SIRT1: variants seen among roughly 807,000 people sequenced by gnomAD.
The protein encoded by SIRT1 is NAD-dependent protein deacetylase sirtuin-1.
In SIRT1, 24 loss-of-function variants were observed where a neutral mutation model predicts 67.9. The ratio of observed to expected loss-of-function variants is 0.35; its 90% CI spans 0.26 to 0.50. SIRT1 has a LOEUF of 0.50. SIRT1 is among the 20% of genes least tolerant of loss of function. SIRT1 has a pLI of 0.98. For missense variants in SIRT1, 873 were observed against 937.2 expected (o/e 0.93, Z 0.89); for synonymous variants, 378 against 350.7 (o/e 1.08, Z -0.87).
chr10:67,891,153 T>G (rs550319197), intron 3 of SIRT1, among the ~76,000 whole-genome samples: 1 of 152,352 alleles, frequency 6.6e-6, no homozygotes, highest in Non-Finnish European at 1.5e-5. Flanking sequence ...CTTAAAAGGC[T>G]TAAAATTGGC....
intron 4 of SIRT1, among the ~76,000 whole-genome samples, chr10:67,897,267 G>T (rs866831249): frequency 3.2e-4 from 48 of 150,546 alleles, no homozygotes; most frequent in Admixed American, 2.4e-3. Flanking sequence ...TAAAGCTGTG[G>T]GGCCATTTCT....
intron 4 of SIRT1, among the ~76,000 whole-genome samples, chr10:67,896,729 T>C (rs1842663711): frequency 8.3e-6 from 1 of 120,554 alleles, no homozygotes; most frequent in African/African-American, 3.4e-5. Context: ...GCTGCTGTAC[T>C]CCAGCCTGGG....
intron 4 of SIRT1, among the ~76,000 whole-genome samples, chr10:67,898,813 G>A (rs771789043): frequency 1.3e-5 from 2 of 152,156 alleles, no homozygotes; most frequent in African/African-American, 2.4e-5. Context: ...ACCAGCCTGA[G>A]TGACAGAGCA....
chr10:67,888,904 A>C lies in SIRT1; in HGVS notation c.570A>C (p.Gln190His). Residue 190 changes from glutamine to histidine, a missense_variant, in exon 3 of 9, where the codon CAA becomes CAC. Physicochemically the swap from Gln to His is conservative, Grantham distance 24. Transcript: ENST00000212015. ...PRIGPYTFVQ[Q>H]HLMIGTDPRT... ...TAGGTCCATATACTTTTGTTCAGCA[A>C]CATCTTATGATTGGCACAGATCCTC... 6.2e-7 allele frequency: 1 copy of C among 1,612,542 alleles called. No homozygotes were observed. The highest frequency in any genetic ancestry group is 8.5e-7 in the Non-Finnish European group (1 of 1,179,048).
chr10:67,886,973 G>A (rs1842493343), intron 1 of SIRT1, among the ~76,000 whole-genome samples: 1 of 151,852 alleles, frequency 6.6e-6, no homozygotes, highest in African/African-American at 2.4e-5. Flanking sequence ...CCGGGTTCAA[G>A]CCATTCTCGT....
rs1442219001 is a variant in SIRT1 at position 67,889,001 on chromosome 10, A to C, written c.667A>C (p.Ile223Leu). 1 of 1,613,974 alleles carries C rather than the reference A, an allele frequency of 6.2e-7. No homozygotes were observed. The highest frequency in any genetic ancestry group is 2.2e-5 in the East Asian group (1 of 44,846). Reference sequence around the variant, plus strand: ...GTTGGATGATATGACACTGTGGCAGATTGTTATTAATATCCTTTCAGAACC... The same window carrying C: ...GTTGGATGATATGACACTGTGGCAGCTTGTTATTAATATCCTTTCAGAACC... ...PELDDMTLWQ[I>L]VINILSEPPK... Residue 223 changes from isoleucine (I) to leucine (L), a missense_variant, in exon 3 of 9, where the codon ATT (isoleucine) becomes CTT (leucine). Coordinates refer to ENST00000212015, the MANE Select transcript of SIRT1 (RefSeq NM_012238.5).
intron 4 of SIRT1, among the ~76,000 whole-genome samples, chr10:67,897,377 C>T (rs1356165790): frequency 6.7e-6 from 1 of 148,358 alleles, no homozygotes; most frequent in East Asian, 2.1e-4. Context: ...CAACCTCCGC[C>T]TCCCAGGTTC....
chr10:67,889,377 C>T lies in SIRT1; in HGVS notation c.789+254C>T, dbSNP rs142154060. 8.7e-4 allele frequency among the ~76,000 whole-genome samples: 132 copies of T among 152,268 alleles called. 1 individual carries two copies. Among genetic ancestry groups the T allele is most frequent in the African/African-American group, 3.1e-3 (127 of 41,564 alleles). On this transcript the variant is annotated intron_variant, in intron 3 of 8. Transcript: ENST00000212015. ...GGAGTTAAGGCAAGATTTCTACCTA[C>T]ATTATATCATAGCTCCTAAAGGAGA...
rs755862606 is a variant in SIRT1, at chr10:67,885,040, C to T, written c.319C>T (p.Leu107=). ...TGGGGAAGGAGACAATGGGCCGGGCCTGCAGGGCCCATCTCGGGAGCCACC... is the reference window on the plus strand; with the variant it reads ...TGGGGAAGGAGACAATGGGCCGGGCTTGCAGGGCCCATCTCGGGAGCCACC... The part of the protein sequence containing the change: ...AAGEGDNGPG[L]QGPSREPPLA... Residue 107 remains leucine, a synonymous_variant, in exon 1 of 9, where the codon CTG becomes TTG. Coordinates refer to ENST00000212015, the MANE Select transcript of SIRT1 (RefSeq NM_012238.5). 56 of 1,416,136 alleles carry T rather than the reference C, an allele frequency of 4.0e-5. No homozygotes were observed. Among genetic ancestry groups the T allele is most frequent in the Admixed American group, 2.6e-4 (9 of 34,256 alleles). 87.7% of individuals were successfully genotyped at this position (1,416,136 alleles called of 1,614,324 possible).
intron 4 of SIRT1, among the ~76,000 whole-genome samples, chr10:67,902,415 C>T (rs1842758583): frequency 6.6e-6 from 1 of 152,206 alleles, no homozygotes; most frequent in Admixed American, 6.5e-5. Flanking sequence ...ATTGAAAGAA[C>T]TGTTTCATGA....
At chr10:67,906,231 T>A in intron 4 of SIRT1, 1 of 1,527,766 alleles carries the variant, frequency 6.5e-7, no homozygotes, top group South Asian at 1.3e-5. Flanking sequence ...TCAGCATTCA[T>A]GAGCAACTCT....
rs1489096755 is a variant in SIRT1, at chr10:67,917,731, G to A, written c.*1138G>A. ...GTATTATGGAGATGAACATGATGAT[G>A]TAACTTGTAATAGCAGAATAGTTAA... On this transcript the variant is annotated 3_prime_UTR_variant, in exon 9 of 9. Coordinates refer to ENST00000212015, the MANE Select transcript of SIRT1 (RefSeq NM_012238.5). The A allele has an allele frequency of 6.6e-6, 1 of 152,596 alleles. No homozygotes were observed. The highest frequency in any genetic ancestry group is 6.5e-5 in the Admixed American group (1 of 15,276). The allele number at this position is 152,596 out of a possible 1,614,324, so 9.5% of individuals were successfully genotyped here. A position where few individuals can be genotyped will look rare whatever the true frequency, so the allele number is the denominator to read the frequency against.
chr10:67,890,163 C>T (rs1371887030), intron 3 of SIRT1, among the ~76,000 whole-genome samples: 1 of 151,930 alleles, frequency 6.6e-6, no homozygotes, highest in African/African-American at 2.4e-5. Context: ...TCAAGCAATT[C>T]TCTTGCCTCA....
intron 7 of SIRT1, among the ~76,000 whole-genome samples, chr10:67,912,224 A>T (rs146695374): frequency 1.3e-5 from 2 of 152,184 alleles, no homozygotes; most frequent in South Asian, 4.1e-4. Flanking sequence ...AGAGTGGGAA[A>T]GTCTGGGAAG....
Position 67,912,877 on chromosome 10 carries a change from T to C in SIRT1, c.1761T>C (p.Asn587=), listed in dbSNP as rs766337606. 6.2e-7 allele frequency: 1 copy of C among 1,614,040 alleles called. No homozygotes were observed. The highest frequency in any genetic ancestry group is 1.3e-5 in the African/African-American group (1 of 74,914). ...CACAGGAAGTACAAACTTCTAGGAATGTTGAAAGTATTGCTGAACAGATGG... is the reference window on the plus strand; with the variant it reads ...CACAGGAAGTACAAACTTCTAGGAACGTTGAAAGTATTGCTGAACAGATGG... ...EKPQEVQTSR[N]VESIAEQMEN... The change falls in exon 8 of 9, where the codon AAT becomes AAC. Residue 587 remains asparagine (N), a synonymous_variant. Transcript: ENST00000212015.
Position 67,884,863 on chromosome 10 carries a change from C to G in SIRT1, c.142C>G (p.Pro48Ala). The G allele has an allele frequency of 2.5e-6, 3 of 1,216,792 alleles. No individual in the cohort carries two copies. Among genetic ancestry groups the G allele is most frequent in the Non-Finnish European group, 2.0e-6 (2 of 978,430 alleles). The allele number at this position is 1,216,792 out of a possible 1,614,324, so 75.4% of individuals were successfully genotyped here. ...AGATGGTCCCGGCCTCGAGCGGAGCCCGGGCGAGCCCGGTGGGGCGGCCCC... is the reference window on the plus strand; with the variant it reads ...AGATGGTCCCGGCCTCGAGCGGAGCGCGGGCGAGCCCGGTGGGGCGGCCCC... ...RRDGPGLERS[P>A]GEPGGAAPER... Residue 48 changes from proline to alanine, a missense_variant, in exon 1 of 9, where the codon CCG (proline) becomes GCG (alanine). Coordinates refer to ENST00000212015, the MANE Select transcript of SIRT1 (RefSeq NM_012238.5).
intron 4 of SIRT1, among the ~76,000 whole-genome samples, chr10:67,899,282 A>G (rs564793178): frequency 6.6e-6 from 1 of 151,320 alleles, no homozygotes; most frequent in East Asian, 1.9e-4. Flanking sequence ...ATCCACAAAA[A>G]CCCCAGGATA....
rs2029967481 is a variant in SIRT1, at chr10:67,917,753, T to C, written c.*1160T>C. 6.6e-6 allele frequency: 1 copy of C among 152,662 alleles called. No individual in the cohort carries two copies. Among genetic ancestry groups the C allele is most frequent in the Non-Finnish European group, 1.5e-5 (1 of 68,042 alleles). The allele number at this position is 152,662 out of a possible 1,614,324, so 9.5% of individuals were successfully genotyped here. On this transcript the variant is annotated 3_prime_UTR_variant, in exon 9 of 9. Transcript: ENST00000212015. The stretch of plus-strand genomic sequence containing the variant: ...GATGTAACTTGTAATAGCAGAATAG[T>C]TAATGAATGAAACTAGTTCTTATAA...
Position 67,912,743 on chromosome 10 carries a change from A to C in SIRT1, c.1627A>C (p.Arg543=). 1 of 1,614,182 alleles carries C rather than the reference A, an allele frequency of 6.2e-7. No homozygotes were observed. Among genetic ancestry groups the C allele is most frequent in the Non-Finnish European group, 8.5e-7 (1 of 1,180,036 alleles). ...TTCAGAAGACTCAAGTTCACCAGAAAGAACTTCACCACCAGATTCTTCAGT... is the reference window on the plus strand; with the variant it reads ...TTCAGAAGACTCAAGTTCACCAGAACGAACTTCACCACCAGATTCTTCAGT... ...HVSEDSSSPE[R]TSPPDSSVIV... is the part of the protein sequence containing the mutation. Residue 543 remains arginine, a synonymous_variant, in exon 8 of 9, where the codon AGA becomes CGA. Coordinates refer to ENST00000212015, the MANE Select transcript of SIRT1 (RefSeq NM_012238.5).
Sources: gnomAD v4.1 joint callset for allele counts (sites outside exome capture counted in the v4.1 genomes callset) on GRCh38, gnomAD v4.1.1 for gene constraint, MANE v1.5 for transcripts, NCBI Gene and HGNC (gene_info 2026-07-23, HGNC 2026-07-21) for gene names.